The following MARK1 variants were observed in gnomAD, a reference collection of about 807,000 sequenced individuals.
The protein encoded by MARK1 is serine/threonine-protein kinase MARK1.
Under a neutral mutation model 96.3 loss-of-function variants are expected in MARK1, and 40 were observed. The ratio of observed to expected loss-of-function variants is 0.42; its 90% confidence interval spans 0.32 to 0.54. MARK1 has a LOEUF of 0.54. Ranked by LOEUF, MARK1 falls within the 20% of genes least tolerant of loss-of-function variation. MARK1 has a pLI of 0.16. For synonymous variants in MARK1, 317 were observed against 341.2 expected (o/e 0.93, Z 0.78); for missense variants, 719 against 984.6 (o/e 0.73, Z 3.61).
rs768920319 is a variant in MARK1, at chr1:220,528,821, A to C, written c.-2A>C. 1.1e-5 allele frequency: 17 copies of C among 1,557,558 alleles called. 1 individual carries two copies. The South Asian group carries it at 2.0e-4, about 18-fold the overall frequency. ...CCGGCCAGACCCCGCTGCCCGCACA[A>C]AATGTCGGCCCGGACGCCATTGCCG... On this transcript the variant is annotated 5_prime_UTR_variant, in exon 1 of 18. Coordinates refer to ENST00000366917, the MANE Select transcript of MARK1 (RefSeq NM_018650.5).
intron 1 of MARK1, among the ~76,000 whole-genome samples, chr1:220,531,754 G>C (rs901805095): frequency 3.3e-5 from 5 of 152,066 alleles, no homozygotes; most frequent in African/African-American, 1.2e-4. Context: ...GCCTCAACGG[G>C]CTAAATACAA....
At chr1:220,659,895 A>G (rs543926012) in intron 17 of MARK1, among the ~76,000 whole-genome samples, 13 of 152,202 alleles carry the variant, frequency 8.5e-5, no homozygotes, top group Admixed American at 2.0e-4. Context: ...GGTTCAAGCA[A>G]TTCTGCCTCA....
intron 1 of MARK1, among the ~76,000 whole-genome samples, chr1:220,578,904 A>G (rs1037160479): frequency 6.6e-6 from 1 of 152,056 alleles, no homozygotes; most frequent in African/African-American, 2.4e-5. Context: ...GTGCACTGAC[A>G]TGATCTTGGC....
intron 6 of MARK1, among the ~76,000 whole-genome samples, chr1:220,615,685 A>G (rs1429327202): frequency 6.6e-6 from 1 of 152,170 alleles, no homozygotes; most frequent in African/African-American, 2.4e-5. Context: ...ATCCATATGA[A>G]ATCTTCACAG....
chr1:220,647,023 G>C (rs1289995375), intron 13 of MARK1, among the ~76,000 whole-genome samples: 1 of 152,136 alleles, frequency 6.6e-6, no homozygotes, highest in Non-Finnish European at 1.5e-5. Flanking sequence ...ATCGCCAAAA[G>C]GAATTGCAAC....
chr1:220,587,277 TTTCC>T (rs1012243945), intron 3 of MARK1, among the ~76,000 whole-genome samples: 296 of 150,614 alleles, frequency 2.0e-3, no homozygotes, highest in African/African-American at 6.3e-3. Flanking sequence ...TCCTTCCTTC[TTTCC>T]TTCCTTCCTT....
chr1:220,655,848 C>G (rs1300070367), intron 16 of MARK1, among the ~76,000 whole-genome samples: 1 of 152,114 alleles, frequency 6.6e-6, no homozygotes, highest in Non-Finnish European at 1.5e-5. Flanking sequence ...CCTTGTGTAA[C>G]CTGGCCATCC....
At chr1:220,584,674 G>T (rs1664472007) in intron 3 of MARK1, among the ~76,000 whole-genome samples, 1 of 152,166 alleles carries the variant, frequency 6.6e-6, no homozygotes, top group Admixed American at 6.5e-5. Flanking sequence ...GGTAACTAAA[G>T]GTAGAGAGGA....
intron 1 of MARK1, among the ~76,000 whole-genome samples, chr1:220,578,269 C>T (rs1664006396): frequency 6.6e-6 from 1 of 152,146 alleles, no homozygotes; most frequent in South Asian, 2.1e-4. Flanking sequence ...TTATGTATGT[C>T]AAAATGCAGA....
At position 220,664,382 on chromosome 1, in the gene MARK1, G is replaced by A. The variant is rs1669634249; in HGVS notation, c.*2216G>A. On this transcript the variant is annotated 3_prime_UTR_variant, in exon 18 of 18. Coordinates refer to ENST00000366917, the MANE Select transcript of MARK1 (RefSeq NM_018650.5). ...ACCAGTTTATGTTCACCGGCTATGT[G>A]ATACCAGGATTTCCTTGGCTTCTGT... 1 of 152,074 alleles carries A rather than the reference G, an allele frequency of 6.6e-6. No homozygotes were observed. Among genetic ancestry groups the A allele is most frequent in the Admixed American group, 6.5e-5 (1 of 15,276 alleles). 9.4% of individuals were successfully genotyped at this position (152,074 alleles called of 1,614,324 possible).
Position 220,662,003 on chromosome 1 carries a change from G to C in MARK1, c.2225G>C (p.Cys742Ser). Residue 742 changes from cysteine (C) to serine (S), a missense_variant, in exon 18 of 18, where the codon TGT becomes TCT. This residue lies in a region of MARK1 where 501 missense variants were observed against 588.3 expected (regional missense o/e 0.85). Transcript: ENST00000366917. ...CAAAAAGAGAGATTTTTGCTTTTCT[G>C]TGTCCATGGAGACGCTAGACAGGAT... ...YEQKERFLLFCVHGDARQDSL... is the reference protein window; with the variant it reads ...YEQKERFLLFSVHGDARQDSL... 7 of 1,614,176 alleles carry C rather than the reference G, an allele frequency of 4.3e-6. No homozygotes were observed. The highest frequency in any genetic ancestry group is 5.9e-6 in the Non-Finnish European group (7 of 1,180,026).
chr1:220,650,215 G>T (rs1272003590), intron 13 of MARK1, among the ~76,000 whole-genome samples: 2 of 152,210 alleles, frequency 1.3e-5, no homozygotes, highest in East Asian at 3.9e-4. Flanking sequence ...CTTCTGAGTG[G>T]GCATGCCATC....
At chr1:220,546,367 T>C (rs1661491990) in intron 1 of MARK1, among the ~76,000 whole-genome samples, 1 of 152,218 alleles carries the variant, frequency 6.6e-6, no homozygotes, top group Non-Finnish European at 1.5e-5. Context: ...ATGTCCATGG[T>C]AACCATAAAA....
rs530035400 is a variant in MARK1 at position 220,628,612 on chromosome 1, T to C, written c.910-2423T>C. Among the ~76,000 whole-genome samples, 10 of 152,290 alleles carry C rather than the reference T, an allele frequency of 6.6e-5. 1 individual carries two copies. In the South Asian group the frequency reaches 2.1e-3, roughly 32 times the overall value. Reference sequence around the variant, plus strand: ...TCTTTTCTTTCTAACCTTTAAATACTAGTGTTCCTTGAGGCTGTAATCTGA... The same window carrying C: ...TCTTTTCTTTCTAACCTTTAAATACCAGTGTTCCTTGAGGCTGTAATCTGA... On this transcript the variant is annotated intron_variant, in intron 9 of 17. Coordinates refer to ENST00000366917, the MANE Select transcript of MARK1 (RefSeq NM_018650.5).
chr1:220,639,702 C>T (rs1353298225), intron 13 of MARK1, among the ~76,000 whole-genome samples: 3 of 152,182 alleles, frequency 2.0e-5, no homozygotes, highest in Non-Finnish European at 4.4e-5. Context: ...CCCACTGGCA[C>T]TCACCTCACC....
intron 1 of MARK1, among the ~76,000 whole-genome samples, chr1:220,529,997 AT>A (rs972593528): frequency 2.0e-5 from 3 of 152,182 alleles, no homozygotes; most frequent in African/African-American, 7.2e-5. Context: ...GGTTGGTAAA[AT>A]AAAATAACGA....
intron 1 of MARK1, among the ~76,000 whole-genome samples, chr1:220,575,676 T>A (rs974244215): frequency 1.1e-4 from 16 of 152,090 alleles, no homozygotes; most frequent in Non-Finnish European, 2.2e-4. Flanking sequence ...AAATATATGC[T>A]GTGTATTCTG....
chr1:220,556,485 C>CAAA (rs55808704), intron 1 of MARK1, among the ~76,000 whole-genome samples: 2,652 of 82,796 alleles, frequency 0.032, 107 homozygotes, highest in East Asian at 0.073. Flanking sequence ...GGGACTGTCA[C>CAAA]AAAAAAAAAA....
chr1:220,608,015 CTTTG>C (rs1353351758), intron 6 of MARK1, among the ~76,000 whole-genome samples: 3 of 152,040 alleles, frequency 2.0e-5, no homozygotes, highest in Admixed American at 1.3e-4. Context: ...CTAAAATTCT[CTTTG>C]TTTGTTGTGT....
Sources: gnomAD v4.1 joint callset for allele counts (sites outside exome capture counted in the v4.1 genomes callset) on GRCh38, gnomAD v4.1.1 for gene constraint, gnomAD v4.1.1 regional missense constraint, MANE v1.5 for transcripts, NCBI Gene and HGNC (gene_info 2026-07-23, HGNC 2026-07-21) for gene names.